PCDHGA8: variants seen among roughly 807,000 people sequenced by gnomAD.
PCDHGA8 encodes protocadherin gamma-A8.
Under a neutral mutation model 59.2 loss-of-function variants are expected in PCDHGA8, and 45 were observed. That is an observed-to-expected ratio of 0.76 (90% CI 0.60 to 0.98). The LOEUF (loss-of-function observed/expected upper bound fraction) is 0.98, where lower values mean the gene tolerates loss of function less well. Ranked by LOEUF, PCDHGA8 falls within the 50% of genes least tolerant of loss-of-function variation. The pLI is 0.00. For synonymous variants in PCDHGA8, 531 were observed against 519.0 expected, an observed-to-expected ratio of 1.02 and a Z score of -0.32; for missense variants, 1,257 against 1,196.2, an observed-to-expected ratio of 1.05 and a Z score of -0.75.
chr5:141,399,672 C>T (rs1322373656), intron 1 of PCDHGA8: 1 of 1,613,510 alleles, frequency 6.2e-7, no homozygotes, highest in Admixed American at 1.7e-5. Context: ...CGCAGCGCGC[C>T]TTTGACTACG....
At chr5:141,475,046 T>C (rs1430484084) in intron 1 of PCDHGA8, among the ~76,000 whole-genome samples, 1 of 152,274 alleles carries the variant, frequency 6.6e-6, no homozygotes, top group African/African-American at 2.4e-5. Context: ...CTTTGTATTT[T>C]CTAAAGATTT....
At position 141,432,266 on chromosome 5, in the gene PCDHGA8, T is replaced by A. The variant is rs1444077446; in HGVS notation, c.2424+37029T>A. The A allele has an allele frequency of 9.3e-6, 15 of 1,614,096 alleles. No individual in the cohort carries two copies. Among genetic ancestry groups the A allele is most frequent in the Admixed American group, 3.3e-5 (2 of 60,010 alleles). The stretch of plus-strand genomic sequence containing the variant: ...CACCATCCAAGGGGCAAGCCTATCG[T>A]CCTACGTGTCCATCAACTCCGACAC... On this transcript the variant is annotated intron_variant, in intron 1 of 3. Transcript: ENST00000398604. The surrounding 1 kb of genome is among the most constrained non-coding windows in gnomAD (Gnocchi z 6.0).
chr5:141,427,839 G>T, intron 1 of PCDHGA8: 1 of 1,547,310 alleles, frequency 6.5e-7, no homozygotes, highest in Non-Finnish European at 8.8e-7. Flanking sequence ...GCGTGCCTTC[G>T]ACCACGAGCA....
At chr5:141,423,034 G>A (rs769232324) in intron 1 of PCDHGA8, 1 of 1,614,200 alleles carries the variant, frequency 6.2e-7, no homozygotes, top group Non-Finnish European at 8.5e-7. Context: ...AGGCCAGAAC[G>A]CCTGGCTGTC....
intron 1 of PCDHGA8, chr5:141,423,755 G>GGT (rs1554116817): frequency 5.9e-6 from 3 of 512,508 alleles, no homozygotes; most frequent in Non-Finnish European, 7.8e-6. Context: ...CTGTTTGGGG[G>GGT]GGGGGTGGGG....
chr5:141,509,157 C>T lies in PCDHGA8; in HGVS notation c.2573-1790C>T, dbSNP rs369133984. Among the ~76,000 whole-genome samples the T allele has an allele frequency of 2.6e-4, 40 of 152,314 alleles. No individual in the cohort carries two copies. In the South Asian group the frequency reaches 7.0e-3, roughly 27 times the overall value. On this transcript the variant is annotated intron_variant, in intron 3 of 3. Transcript: ENST00000398604. The stretch of plus-strand genomic sequence containing the variant: ...GAGGCGCATCCCGGCTCTCCCCTCC[C>T]GTGTGCCCTCCTCCTCTTATGCCGG...
chr5:141,395,187 T>C lies in PCDHGA8; in HGVS notation c.2374T>C (p.Leu792=). The C allele has an allele frequency of 6.2e-7, 1 of 1,614,162 alleles. No homozygotes were observed. The highest frequency in any genetic ancestry group is 8.5e-7 in the Non-Finnish European group (1 of 1,179,990). ...GGGCTGTGAGAAAAATGATTCTTTG[T>C]TAACATCCGTAGATTTTCATGAATA... ...QEGCEKNDSL[L]TSVDFHEYKN... is the part of the protein sequence containing the mutation. Residue 792 remains leucine, a synonymous_variant, in exon 1 of 4, where the codon TTA becomes CTA. Coordinates refer to ENST00000398604, the MANE Select transcript of PCDHGA8 (RefSeq NM_032088.2).
chr5:141,419,067 A>C (rs2096321794), intron 1 of PCDHGA8: 2 of 1,613,956 alleles, frequency 1.2e-6, no homozygotes, highest in African/African-American at 1.3e-5. Flanking sequence ...AATTACTACA[A>C]GCTAGTAACA....
intron 1 of PCDHGA8, chr5:141,418,973 C>T: frequency 3.1e-6 from 5 of 1,613,916 alleles, no homozygotes; most frequent in Non-Finnish European, 3.4e-6. Context: ...CTTCAAAACA[C>T]GGGACCAAGA....
chr5:141,502,866 CTTTT>C (rs549047197), intron 2 of PCDHGA8, among the ~76,000 whole-genome samples: 1 of 128,042 alleles, frequency 7.8e-6, no homozygotes. Context: ...GACTCTCTGT[CTTTT>C]TTTTTTTTTT....
Position 141,485,168 on chromosome 5 carries a change from G to A in PCDHGA8, c.2425-9639G>A. The A allele has an allele frequency of 6.2e-7, 1 of 1,608,668 alleles. No individual in the cohort carries two copies. Among genetic ancestry groups the A allele is most frequent in the Non-Finnish European group, 8.5e-7 (1 of 1,175,736 alleles). ...GGAGCAAGTAGAGAATTAGCGGGCG[G>A]CAGCAATGCTCCGCAAGGTGAGAAG... is the stretch of plus-strand genomic sequence containing the variant. On this transcript the variant is annotated intron_variant, in intron 1 of 3. Coordinates refer to ENST00000398604, the MANE Select transcript of PCDHGA8 (RefSeq NM_032088.2). This position sits in a 1 kb window ranked among gnomAD's most constrained non-coding sequence, Gnocchi z 5.7.
At position 141,477,498 on chromosome 5, in the gene PCDHGA8, C is replaced by T. The variant is rs754212608; in HGVS notation, c.2425-17309C>T. ...AACCCTCCACAATCTTCTCAATCTT[C>T]CTACGACGTTTACATTGAAGAAAAC... On this transcript the variant is annotated intron_variant, in intron 1 of 3. Coordinates refer to ENST00000398604, the MANE Select transcript of PCDHGA8 (RefSeq NM_032088.2). The surrounding 1 kb of genome is among the most constrained non-coding windows in gnomAD (Gnocchi z 4.9). 3.7e-6 allele frequency: 6 copies of T among 1,614,038 alleles called. No individual in the cohort carries two copies. The highest frequency in any genetic ancestry group is 5.1e-6 in the Non-Finnish European group (6 of 1,180,038).
chr5:141,397,512 A>G (rs1043730091), intron 1 of PCDHGA8, among the ~76,000 whole-genome samples: 1 of 152,242 alleles, frequency 6.6e-6, no homozygotes, highest in Non-Finnish European at 1.5e-5. Context: ...AATTGTTTCC[A>G]TAGCTAATAA....
chr5:141,412,942 A>G, intron 1 of PCDHGA8: 1 of 465,476 alleles, frequency 2.1e-6, no homozygotes, highest in Non-Finnish European at 3.8e-6. Flanking sequence ...TAGGACTCTG[A>G]GCGCCGCTGT....
At chr5:141,438,607 T>C (rs924136790) in intron 1 of PCDHGA8, among the ~76,000 whole-genome samples, 2 of 27,412 alleles carry the variant, frequency 7.3e-5, no homozygotes. Flanking sequence ...TATATATATA[T>C]ATATATATAT....
intron 1 of PCDHGA8, among the ~76,000 whole-genome samples, chr5:141,450,829 A>ATTATTT (rs1554136902): frequency 7.4e-6 from 1 of 135,144 alleles, no homozygotes; most frequent in Admixed American, 7.6e-5. Context: ...TATTATTATT[A>ATTATTT]TTTTTTTTTT....
intron 1 of PCDHGA8, chr5:141,475,839 CAG>C: frequency 2.3e-6 from 1 of 433,254 alleles, no homozygotes; most frequent in Non-Finnish European, 4.1e-6. Flanking sequence ...GTGTCCTGCT[CAG>C]AGAGCCCGGC....
In PCDHGA8 at chr5:141,393,848, A is replaced by G. The variant is rs1368797606; in HGVS notation, c.1035A>G (p.Pro345=). Reference sequence around the variant, plus strand: ...TGGAAGATGTAAATGACAATAGACCAGAAGTGATCATTACGTCTTTGTTTA... The same window carrying G: ...TGGAAGATGTAAATGACAATAGACCGGAAGTGATCATTACGTCTTTGTTTA... ...ISVEDVNDNR[P]EVIITSLFSP... is the part of the protein sequence containing the mutation. Residue 345 remains proline, a synonymous_variant, in exon 1 of 4, where the codon CCA becomes CCG. Transcript: ENST00000398604. 2.5e-6 allele frequency: 4 copies of G among 1,614,008 alleles called. No individual in the cohort carries two copies. The South Asian group carries it at 4.4e-5, about 18-fold the overall frequency.
chr5:141,425,528 C>CA (rs890632943), intron 1 of PCDHGA8, among the ~76,000 whole-genome samples: 1 of 152,200 alleles, frequency 6.6e-6, no homozygotes, highest in African/African-American at 2.4e-5. Context: ...AAACATGAAA[C>CA]AATAATCCTT....
Sources: gnomAD v4.1 joint callset for allele counts (sites outside exome capture counted in the v4.1 genomes callset) on GRCh38, gnomAD v4.1.1 for gene constraint, Gnocchi (gnomAD v3.1) non-coding constraint, MANE v1.5 for transcripts, NCBI Gene and HGNC (gene_info 2026-07-23, HGNC 2026-07-21) for gene names.